The following RAB3IL1 variants were observed in gnomAD, a reference collection of about 807,000 sequenced individuals.
The protein encoded by RAB3IL1 is RAB3A interacting protein like 1.
Under a neutral mutation model 49.2 loss-of-function variants are expected in RAB3IL1, and 37 were observed. The ratio of observed to expected loss-of-function variants is 0.75; its 90% CI spans 0.58 to 0.99. RAB3IL1 has a LOEUF of 0.99. Among genes scored for constraint, RAB3IL1 ranks in the 50% least tolerant of loss-of-function variants. The pLI, the probability that RAB3IL1 is intolerant of heterozygous loss-of-function variation, is 0.00. For missense variants in RAB3IL1, 484 were observed against 513.0 expected (o/e 0.94, Z 0.55); for synonymous variants, 193 against 213.9 (o/e 0.90, Z 0.85).
intron 7 of RAB3IL1, among the ~76,000 whole-genome samples, chr11:61,903,769 C>T (rs1368114324): frequency 6.6e-6 from 1 of 152,154 alleles, no homozygotes; most frequent in Non-Finnish European, 1.5e-5. Flanking sequence ...AAGTGATCCA[C>T]CCGCCTCAAC....
the RAB3IL1 span, among the ~76,000 whole-genome samples, chr11:61,936,620 G>C: frequency 6.6e-6 from 1 of 152,196 alleles, no homozygotes; most frequent in African/African-American, 2.4e-5. Context: ...GGGATCACAG[G>C]CGTAAGCCAC....
intron 8 of RAB3IL1, among the ~76,000 whole-genome samples, chr11:61,900,730 C>A (rs1234336108): frequency 6.6e-6 from 1 of 152,194 alleles, no homozygotes; most frequent in African/African-American, 2.4e-5. Flanking sequence ...AGGGCAGGGA[C>A]CACATCCTAA....
chr11:61,926,297 T>C, the RAB3IL1 span, among the ~76,000 whole-genome samples: 3 of 152,216 alleles, frequency 2.0e-5, no homozygotes, highest in Non-Finnish European at 4.4e-5. Flanking sequence ...TGCCAAGTGC[T>C]GATGGCATAT....
rs1938726316 is a variant in RAB3IL1 at position 61,898,496 on chromosome 11, C to A, written c.1067-136G>T. The A allele has an allele frequency of 8.5e-6, 6 of 709,838 alleles. No individual in the cohort carries two copies. The Admixed American group carries it at 1.3e-4, about 15-fold the overall frequency. 44.0% of individuals were successfully genotyped at this position (709,838 alleles called of 1,614,324 possible). Reference sequence around the variant, plus strand: ...GGTCCCCGGCCCCCAAAACAGATGACCTCAGTGAGTGGCTGGACCTCTCTG... The same window carrying A: ...GGTCCCCGGCCCCCAAAACAGATGAACTCAGTGAGTGGCTGGACCTCTCTG... On this transcript the variant is annotated intron_variant, in intron 9 of 9. Transcript: ENST00000394836. The surrounding 1 kb of genome is among the most constrained non-coding windows in gnomAD (Gnocchi z 5.1).
At chr11:61,920,191 A>G (rs192561318), upstream of RAB3IL1, 36 of 1,271,472 alleles carry the variant, frequency 2.8e-5, no homozygotes, top group Admixed American at 4.6e-4. Flanking sequence ...AGAAGAGTCC[A>G]TGCTTGCAAG....
At chr11:61,917,626 G>C, upstream of RAB3IL1, 1 of 995,504 alleles carries the variant, frequency 1.0e-6, no homozygotes, top group Non-Finnish European at 1.2e-6. Flanking sequence ...CGCCGGCCCG[G>C]CGCTGGGATC....
intron 1 of RAB3IL1, among the ~76,000 whole-genome samples, chr11:61,909,856 C>G (rs928550402): frequency 6.6e-6 from 1 of 152,192 alleles, no homozygotes; most frequent in Non-Finnish European, 1.5e-5. Context: ...CCTGTAATCC[C>G]AGCACTTTGG....
In RAB3IL1 at chr11:61,908,079, T is replaced by A. The variant is rs981649643; in HGVS notation, c.239A>T (p.Lys80Met). ...EIREKGSEFLKEELHRAQKEL... is the reference protein window; with the variant it reads ...EIREKGSEFLMEELHRAQKEL... ...CTTCTGCGCTCTGTGCAGCTCCTCC[T>A]TCAGGAACTCGGAGCCCTTCTCTCG... The change falls in exon 2 of 10, where the codon AAG (lysine) becomes ATG (methionine). Residue 80 changes from lysine to methionine, a missense_variant. Lys to Met is a moderately conservative substitution (Grantham distance 95, BLOSUM62 -1). Transcript: ENST00000394836. The A allele has an allele frequency of 1.6e-5, 26 of 1,611,290 alleles. No individual in the cohort carries two copies. Among genetic ancestry groups the A allele is most frequent in the Non-Finnish European group, 2.2e-5 (26 of 1,179,320 alleles).
the RAB3IL1 span, among the ~76,000 whole-genome samples, chr11:61,944,893 A>AT: frequency 6.6e-6 from 1 of 151,710 alleles, no homozygotes; most frequent in East Asian, 1.9e-4. Flanking sequence ...TAGAGACGGG[A>AT]TTTTGCCATG....
chr11:61,923,054 C>T (rs1359931952), upstream of RAB3IL1, among the ~76,000 whole-genome samples: 1 of 152,236 alleles, frequency 6.6e-6, no homozygotes, highest in Non-Finnish European at 1.5e-5. Context: ...CCTGCCAAGA[C>T]CCCACCAGCC....
chr11:61,898,932 C>A lies in RAB3IL1; in HGVS notation c.1066+382G>T, dbSNP rs777794158. On this transcript the variant is annotated intron_variant, in intron 9 of 9. Transcript: ENST00000394836. The surrounding 1 kb of genome is among the most constrained non-coding windows in gnomAD (Gnocchi z 5.1). ...GGGGAGCCAGGCCTTGCAGAATGGG[C>A]TGTGGGGGGAGGGGGTGGAGGGAGG... is the stretch of plus-strand genomic sequence containing the variant. The A allele has an allele frequency of 3.2e-5, 15 of 470,570 alleles. No individual in the cohort carries two copies. The highest frequency in any genetic ancestry group is 5.9e-5 in the Non-Finnish European group (14 of 239,202). 29.1% of individuals were successfully genotyped at this position (470,570 alleles called of 1,614,324 possible).
Position 61,907,468 on chromosome 11 carries a change from T to C in RAB3IL1, c.363A>G (p.Glu121=). 6.2e-7 allele frequency: 1 copy of C among 1,614,116 alleles called. No homozygotes were observed. The highest frequency in any genetic ancestry group is 8.5e-7 in the Non-Finnish European group (1 of 1,180,000). The part of the protein sequence containing the change: ...LEELTASLFE[E]AHKMVREANM... ...TGGCTTCTCGAACCATCTTGTGAGC[T>C]TCCTAGGAAGAAGGCAGTCCCTGCG... Residue 121 remains glutamate, a splice_region_variant and synonymous_variant, in exon 4 of 10, where the codon GAA becomes GAG. Coordinates refer to ENST00000394836, the MANE Select transcript of RAB3IL1 (RefSeq NM_013401.4).
In RAB3IL1 at chr11:61,904,721, C is replaced by T. The variant is rs574928132; in HGVS notation, c.786+33G>A. On this transcript the variant is annotated intron_variant, in intron 6 of 9. Transcript: ENST00000394836. ...GCTGGGCCCTGGCGGAGGGGTGTGT[C>T]CCCCAGCTGGCCCCGCCCCTGCCAT... 6.9e-4 allele frequency: 1,096 copies of T among 1,580,142 alleles called. 15 individuals are homozygous for T. The South Asian group carries it at 0.012, about 17-fold the overall frequency.
At chr11:61,941,544 A>G in the RAB3IL1 span, among the ~76,000 whole-genome samples, 6 of 152,174 alleles carry the variant, frequency 3.9e-5, no homozygotes, top group South Asian at 2.1e-4. Flanking sequence ...CGAGGTCAGG[A>G]GATCGAGACC....
chr11:61,937,524 T>G, the RAB3IL1 span, among the ~76,000 whole-genome samples: 1 of 151,942 alleles, frequency 6.6e-6, no homozygotes, highest in Non-Finnish European at 1.5e-5. Context: ...CCCAGGCTGG[T>G]CTCAAACTTC....
chr11:61,902,506 C>T lies in RAB3IL1; in HGVS notation c.935G>A (p.Arg312His), dbSNP rs1275621288. The T allele has an allele frequency of 8.1e-6, 13 of 1,604,000 alleles. 1 individual carries two copies. The highest frequency in any genetic ancestry group is 6.8e-5 in the South Asian group (6 of 88,376). ...GGAGTCCCCGAGCCGGATTCGGTGG[C>T]GGCAGGTGCGGGTCAGCCCGCTCAG... ...CALSGLTRTC[R>H]HRIRLGDSKS... The change falls in exon 8 of 10, where the codon CGC becomes CAC. Residue 312 changes from arginine to histidine, a missense_variant. By Grantham distance (29) the Arg-to-His change is conservative. Transcript: ENST00000394836.
chr11:61,904,737 C>A lies in RAB3IL1; in HGVS notation c.786+17G>T. 6.3e-7 allele frequency: 1 copy of A among 1,588,110 alleles called. No homozygotes were observed. On this transcript the variant is annotated intron_variant, in intron 6 of 9. Transcript: ENST00000394836. The stretch of plus-strand genomic sequence containing the variant: ...GGGGTGTGTCCCCCAGCTGGCCCCG[C>A]CCCTGCCATGCCTCACCTCCTGCAT...
At chr11:61,911,369 C>G (rs1207085584) in intron 1 of RAB3IL1, among the ~76,000 whole-genome samples, 1 of 152,190 alleles carries the variant, frequency 6.6e-6, no homozygotes, top group Non-Finnish European at 1.5e-5. Flanking sequence ...TCTGCAGACC[C>G]TCTTCCTCCT....
At chr11:61,903,928 C>T (rs1939045480) in intron 7 of RAB3IL1, among the ~76,000 whole-genome samples, 2 of 152,112 alleles carry the variant, frequency 1.3e-5, no homozygotes, top group African/African-American at 4.8e-5. Context: ...CCCCAATTCC[C>T]TGTCCCCCCA....
Sources: gnomAD v4.1 joint callset for allele counts (sites outside exome capture counted in the v4.1 genomes callset) on GRCh38, gnomAD v4.1.1 for gene constraint, Gnocchi (gnomAD v3.1) non-coding constraint, MANE v1.5 for transcripts, NCBI Gene and HGNC (gene_info 2026-07-23, HGNC 2026-07-21) for gene names.